KLHL1: variants seen among roughly 807,000 people sequenced by gnomAD.
The protein encoded by KLHL1 is kelch-like protein 1.
Under a neutral mutation model 77.7 loss-of-function variants are expected in KLHL1, and 47 were observed. That is an observed-to-expected ratio of 0.60 (90% CI 0.48 to 0.77). The LOEUF (loss-of-function observed/expected upper bound fraction) is 0.77, where lower values mean the gene tolerates loss of function less well. KLHL1 is among the 30% of genes least tolerant of loss of function. The probability of loss-of-function intolerance (pLI) is 0.00; values close to 1 mark genes in which losing one functional copy is unlikely to be tolerated. For missense variants in KLHL1, 925 were observed against 910.8 expected, an observed-to-expected ratio of 1.02 and a Z score of -0.20; for synonymous variants, 360 against 325.2, an observed-to-expected ratio of 1.11 and a Z score of -1.15.
chr13:69,755,725 GC>G (rs68008540), intron 7 of KLHL1, among the ~76,000 whole-genome samples: 20,117 of 151,986 alleles, frequency 0.13, 1,550 homozygotes, highest in African/African-American at 0.17. Flanking sequence ...AGATTATCTT[GC>G]CTCAGTCAGA....
At chr13:69,962,739 T>C (rs1370893780) in intron 2 of KLHL1, among the ~76,000 whole-genome samples, 3 of 150,244 alleles carry the variant, frequency 2.0e-5, no homozygotes, top group Non-Finnish European at 4.4e-5. Flanking sequence ...TCTCTAATTT[T>C]ATTTTCTTGT....
At chr13:70,081,307 G>T (rs1188536030) in intron 1 of KLHL1, among the ~76,000 whole-genome samples, 7 of 152,090 alleles carry the variant, frequency 4.6e-5, no homozygotes, top group Non-Finnish European at 8.8e-5. Flanking sequence ...TATATCTCGG[G>T]TTTTTTTAAG....
At chr13:69,998,424 G>A (rs1885209755) in intron 1 of KLHL1, among the ~76,000 whole-genome samples, 1 of 152,046 alleles carries the variant, frequency 6.6e-6, no homozygotes, top group Admixed American at 6.6e-5. Flanking sequence ...TCTCCTAAGA[G>A]AGAATGGGGA....
At chr13:69,883,672 AT>A (rs1566361993) in intron 4 of KLHL1, among the ~76,000 whole-genome samples, 1 of 152,266 alleles carries the variant, frequency 6.6e-6, no homozygotes, top group Non-Finnish European at 1.5e-5. Context: ...GGAGCAGTAC[AT>A]ATTTGCTGAA....
intron 1 of KLHL1, among the ~76,000 whole-genome samples, chr13:70,020,638 T>C (rs1885764645): frequency 6.6e-6 from 1 of 152,032 alleles, no homozygotes; most frequent in Admixed American, 6.6e-5. Context: ...TATCTATGAT[T>C]CCCAGGGCAC....
At chr13:70,015,409 G>A (rs1885633201) in intron 1 of KLHL1, among the ~76,000 whole-genome samples, 1 of 152,142 alleles carries the variant, frequency 6.6e-6, no homozygotes, top group Non-Finnish European at 1.5e-5. Flanking sequence ...CACCTATGAG[G>A]TCTGTCATTG....
chr13:70,028,489 C>T (rs114606595), intron 1 of KLHL1, among the ~76,000 whole-genome samples: 3,496 of 152,098 alleles, frequency 0.023, 70 homozygotes, highest in African/African-American at 0.053. Context: ...AGACCCACGG[C>T]AATTCAAAAT....
At chr13:69,820,105 G>T (rs916270211) in intron 6 of KLHL1, among the ~76,000 whole-genome samples, 1 of 152,092 alleles carries the variant, frequency 6.6e-6, no homozygotes, top group Non-Finnish European at 1.5e-5. Context: ...GTAGGATCTT[G>T]CAGGGCCCAT....
chr13:69,783,608 A>T (rs1440032528), intron 7 of KLHL1, among the ~76,000 whole-genome samples: 1 of 149,820 alleles, frequency 6.7e-6, no homozygotes, highest in Non-Finnish European at 1.5e-5. Flanking sequence ...AAATGAAGCC[A>T]GAAGGGAAGT....
intron 1 of KLHL1, among the ~76,000 whole-genome samples, chr13:70,067,773 G>C (rs1465146806): frequency 6.6e-6 from 1 of 152,122 alleles, no homozygotes; most frequent in Non-Finnish European, 1.5e-5. Context: ...AATGAGACCA[G>C]TGAGAGCCAC....
intron 4 of KLHL1, among the ~76,000 whole-genome samples, chr13:69,925,314 C>CTT (rs1882779474): frequency 6.6e-6 from 1 of 152,184 alleles, no homozygotes; most frequent in Non-Finnish European, 1.5e-5. Flanking sequence ...AAAGATGCTA[C>CTT]TTACAGCACT....
chr13:69,990,972 A>G (rs1243227232), intron 1 of KLHL1, among the ~76,000 whole-genome samples: 1 of 152,060 alleles, frequency 6.6e-6, no homozygotes, highest in Non-Finnish European at 1.5e-5. Context: ...ACCACGGAGC[A>G]TCAAAATAGA....
intron 1 of KLHL1, among the ~76,000 whole-genome samples, chr13:70,077,762 A>C (rs562727564): frequency 6.6e-6 from 1 of 152,122 alleles, no homozygotes; most frequent in African/African-American, 2.4e-5. Flanking sequence ...AAAATGTATT[A>C]ATTTCAAAAT....
chr13:70,086,475 G>A (rs1887538763), intron 1 of KLHL1, among the ~76,000 whole-genome samples: 1 of 147,858 alleles, frequency 6.8e-6, no homozygotes, highest in South Asian at 2.2e-4. Context: ...CAGCTACTTG[G>A]AAGGTTGAGG....
At chr13:69,994,756 A>G (rs1885108618) in intron 1 of KLHL1, among the ~76,000 whole-genome samples, 1 of 152,086 alleles carries the variant, frequency 6.6e-6, no homozygotes, top group Admixed American at 6.6e-5. Context: ...GCCTCTATTA[A>G]TCGGAGTTCT....
intron 1 of KLHL1, among the ~76,000 whole-genome samples, chr13:70,002,395 G>A (rs1885314699): frequency 6.6e-6 from 1 of 151,274 alleles, no homozygotes; most frequent in Non-Finnish European, 1.5e-5. Flanking sequence ...GCAGAAGTAA[G>A]GGCCAGGAAA....
rs529129030 is a variant in KLHL1, at chr13:69,923,163, AAGAAT to A, written c.1014+16872_1014+16876del. 2.0e-4 allele frequency among the ~76,000 whole-genome samples: 30 copies of A among 152,356 alleles called. No homozygotes were observed. The South Asian group carries it at 6.0e-3, about 30-fold the overall frequency. ...AAGGTTCATCAAATGGTAAAACAGAAAGAATAGTAGTAAAGACTGTTCCCAAATTC... is the reference window on the plus strand; with the variant it reads ...AAGGTTCATCAAATGGTAAAACAGAAAGTAGTAAAGACTGTTCCCAAATTC... On this transcript the variant is annotated intron_variant, in intron 4 of 10. Coordinates refer to ENST00000377844, the MANE Select transcript of KLHL1 (RefSeq NM_020866.3).
chr13:69,976,520 A>G (rs1884549553), intron 1 of KLHL1, among the ~76,000 whole-genome samples: 1 of 152,120 alleles, frequency 6.6e-6, no homozygotes. Context: ...GCTATACTCC[A>G]TCATAGGGAA....
At chr13:69,761,035 A>G (rs1007507354) in intron 7 of KLHL1, among the ~76,000 whole-genome samples, 4 of 152,110 alleles carry the variant, frequency 2.6e-5, no homozygotes, top group African/African-American at 2.4e-5. Context: ...TGGTCACTCA[A>G]TGCTCCTGGG....
Sources: gnomAD v4.1 joint callset for allele counts (sites outside exome capture counted in the v4.1 genomes callset) on GRCh38, gnomAD v4.1.1 for gene constraint, MANE v1.5 for transcripts, NCBI Gene and HGNC (gene_info 2026-07-23, HGNC 2026-07-21) for gene names.